The following GAB1 variants were observed in gnomAD, a reference collection of about 807,000 sequenced individuals.
GAB1 encodes the protein GRB2-associated-binding protein 1.
A neutral mutation model predicts 66.5 loss-of-function variants in GAB1; 19 were observed. That is an observed-to-expected ratio of 0.29 (90% CI 0.20 to 0.42). The LOEUF is 0.42. GAB1 is among the 10% of genes least tolerant of loss of function. GAB1 has a pLI of 1.00. For missense variants in GAB1, 732 were observed against 858.5 expected, an observed-to-expected ratio of 0.85 and a Z score of 1.84; for synonymous variants, 294 against 301.4, an observed-to-expected ratio of 0.98 and a Z score of 0.25.
At chr4:143,434,120 A>G (rs1304209683) in intron 3 of GAB1, 4 of 1,292,748 alleles carry the variant, frequency 3.1e-6, no homozygotes, top group Non-Finnish European at 4.0e-6. Context: ...GAAGAAGGAG[A>G]GGAATACCTT....
At chr4:143,338,729 G>GTGTGTGTGTT (rs1273594809) in intron 1 of GAB1, among the ~76,000 whole-genome samples, 13 of 151,792 alleles carry the variant, frequency 8.6e-5, no homozygotes, top group African/African-American at 3.1e-4. Context: ...GTGTGTGTGT[G>GTGTGTGTGTT]TATGTGACAG....
intron 6 of GAB1, among the ~76,000 whole-genome samples, chr4:143,441,943 C>T (rs993934810): frequency 4.6e-5 from 7 of 152,216 alleles, no homozygotes; most frequent in African/African-American, 1.4e-4. Context: ...ACACCCACGA[C>T]GACCCAGTCT....
At chr4:143,418,318 A>G (rs1732806764) in intron 2 of GAB1, among the ~76,000 whole-genome samples, 1 of 152,226 alleles carries the variant, frequency 6.6e-6, no homozygotes, top group Non-Finnish European at 1.5e-5. Flanking sequence ...TGGGGGTGCT[A>G]CTTCTAACTT....
intron 1 of GAB1, among the ~76,000 whole-genome samples, chr4:143,411,112 G>A (rs1344609949): frequency 6.6e-6 from 1 of 152,084 alleles, no homozygotes; most frequent in African/African-American, 2.4e-5. Context: ...GAAGGCAGAG[G>A]GGCAAGAAGT....
Position 143,336,904 on chromosome 4 carries a change from A to G in GAB1, c.-285A>G, listed in dbSNP as rs1012150242. On this transcript the variant is annotated 5_prime_UTR_variant, in exon 1 of 10. Coordinates refer to ENST00000262994, the MANE Select transcript of GAB1 (RefSeq NM_002039.4). ...GTCCCGCTGAGTCCGAGCGCTGCTG[A>G]GGCAGCTGGCGAGACGGCACGTCTG... 2.2e-6 allele frequency: 1 copy of G among 452,566 alleles called. No individual in the cohort carries two copies. Among genetic ancestry groups the G allele is most frequent in the African/African-American group, 2.1e-5 (1 of 47,620 alleles). 28.0% of individuals were successfully genotyped at this position (452,566 alleles called of 1,614,324 possible).
At chr4:143,466,639 G>A (rs768934469) in intron 9 of GAB1, among the ~76,000 whole-genome samples, 4 of 151,372 alleles carry the variant, frequency 2.6e-5, no homozygotes, top group South Asian at 2.1e-4. Context: ...ACAGATGCGC[G>A]CCACCACTCC....
chr4:143,342,047 G>A (rs1343593444), intron 1 of GAB1, among the ~76,000 whole-genome samples: 8 of 152,178 alleles, frequency 5.3e-5, no homozygotes, highest in Admixed American at 3.9e-4. Flanking sequence ...GACTCCCAAT[G>A]TTTTTACCTT....
At chr4:143,371,583 G>A (rs1730122990) in intron 1 of GAB1, among the ~76,000 whole-genome samples, 1 of 152,168 alleles carries the variant, frequency 6.6e-6, no homozygotes, top group African/African-American at 2.4e-5. Flanking sequence ...TTTGGCTTTT[G>A]TTGCCATTGC....
chr4:143,364,683 C>T (rs533682184), intron 1 of GAB1, among the ~76,000 whole-genome samples: 1 of 152,018 alleles, frequency 6.6e-6, no homozygotes, highest in Admixed American at 6.6e-5. Flanking sequence ...CTCCTTTGTT[C>T]TGGGGGATGG....
chr4:143,347,122 G>C (rs758546574), intron 1 of GAB1, among the ~76,000 whole-genome samples: 1 of 152,058 alleles, frequency 6.6e-6, no homozygotes, highest in African/African-American at 2.4e-5. Context: ...ATCATTCTTC[G>C]GTGTTTGTAA....
At chr4:143,464,003 C>A (rs1735642630) in intron 8 of GAB1, among the ~76,000 whole-genome samples, 2 of 152,240 alleles carry the variant, frequency 1.3e-5, no homozygotes, top group South Asian at 4.1e-4. Context: ...TATTTCTAAT[C>A]AGAGAAATGG....
chr4:143,384,179 G>A (rs1054715794), intron 1 of GAB1, among the ~76,000 whole-genome samples: 2 of 152,178 alleles, frequency 1.3e-5, no homozygotes, highest in African/African-American at 4.8e-5. Flanking sequence ...TTGAGAACAT[G>A]CTAACTTTGT....
chr4:143,426,133 A>G (rs1453390756), intron 2 of GAB1: 2 of 442,724 alleles, frequency 4.5e-6, no homozygotes, highest in Non-Finnish European at 8.0e-6. Flanking sequence ...CTATTTACTC[A>G]GGCCAGATTC....
chr4:143,436,762 C>A (rs1200181812), intron 3 of GAB1, among the ~76,000 whole-genome samples: 3 of 151,934 alleles, frequency 2.0e-5, no homozygotes, highest in African/African-American at 7.3e-5. Context: ...TATTTGAGGC[C>A]CACAAGCAAG....
At chr4:143,352,453 CT>C (rs2149649628) in intron 1 of GAB1, among the ~76,000 whole-genome samples, 1 of 152,318 alleles carries the variant, frequency 6.6e-6, no homozygotes, top group South Asian at 2.1e-4. Flanking sequence ...GGAGTTTTCT[CT>C]TTTCAGATGA....
chr4:143,420,969 A>G (rs952830411), intron 2 of GAB1, among the ~76,000 whole-genome samples: 6 of 152,020 alleles, frequency 3.9e-5, no homozygotes, highest in Non-Finnish European at 7.4e-5. Context: ...ATACAGTTCA[A>G]TGTAGTTTTA....
At position 143,433,690 on chromosome 4, in the gene GAB1, T is replaced by C; in HGVS notation, c.567T>C (p.Cys189=). 1.2e-6 allele frequency: 2 copies of C among 1,613,930 alleles called. No homozygotes were observed. The highest frequency in any genetic ancestry group is 1.7e-6 in the Non-Finnish European group (2 of 1,179,882). The change falls in exon 3 of 10, where the codon TGT becomes TGC. Residue 189 remains cysteine, a synonymous_variant. Coordinates refer to ENST00000262994, the MANE Select transcript of GAB1 (RefSeq NM_002039.4). ...AAGACTACCTGTTGCTCATCAACTG[T>C]CAAAGCAAGAAGCCCGAACCCACCA... The part of the protein sequence containing the change: ...DPQDYLLLIN[C]QSKKPEPTRT...
intron 1 of GAB1, among the ~76,000 whole-genome samples, chr4:143,367,354 G>A (rs1459940292): frequency 6.6e-6 from 1 of 152,160 alleles, no homozygotes; most frequent in East Asian, 1.9e-4. Context: ...CATTTTCAAT[G>A]TCCCTGGAAA....
At chr4:143,423,410 G>A (rs1039201710) in intron 2 of GAB1, among the ~76,000 whole-genome samples, 1 of 152,038 alleles carries the variant, frequency 6.6e-6, no homozygotes, top group African/African-American at 2.4e-5. Context: ...AAGTGTGTAA[G>A]TCTTCAGCTG....
Sources: allele counts gnomAD v4.1 joint callset (sites outside exome capture counted in the v4.1 genomes callset), GRCh38; gene constraint gnomAD v4.1.1; transcripts MANE v1.5; gene names NCBI Gene and HGNC (gene_info 2026-07-23, HGNC 2026-07-21).